The following HSF2BP variants were observed in gnomAD, a reference collection of about 807,000 sequenced individuals.
The protein encoded by HSF2BP is heat shock transcription factor 2 binding protein.
HSF2BP carries 35 observed loss-of-function variants against 35.0 expected under a neutral mutation model. That is an observed-to-expected ratio of 1.00 (90% CI 0.76 to 1.32). The LOEUF (loss-of-function observed/expected upper bound fraction) is 1.32, where lower values mean the gene tolerates loss of function less well. Among genes scored for constraint, HSF2BP ranks in the 40% most tolerant of loss-of-function variants. The pLI is 0.00. For missense variants in HSF2BP, 326 were observed against 321.7 expected, an observed-to-expected ratio of 1.01 and a Z score of -0.10; for synonymous variants, 114 against 117.4, an observed-to-expected ratio of 0.97 and a Z score of 0.18.
At chr21:43,608,335 G>A (rs984326053) in intron 7 of HSF2BP, among the ~76,000 whole-genome samples, 1 of 152,022 alleles carries the variant, frequency 6.6e-6, no homozygotes, top group Admixed American at 6.6e-5. Flanking sequence ...AGCAGCCAAC[G>A]AAACATGAAA....
Position 43,587,665 on chromosome 21 carries a change from CAA to C in HSF2BP, c.796+4558_796+4559del, listed in dbSNP as rs11292342. Among the ~76,000 whole-genome samples the C allele has an allele frequency of 5.2e-3, 410 of 79,064 alleles. 2 individuals carry two copies. Among genetic ancestry groups the C allele is most frequent in the Middle Eastern group, 0.022 (3 of 136 alleles). 51.9% of individuals were successfully genotyped at this position (79,064 alleles called of 152,430 possible). On this transcript the variant is annotated intron_variant, in intron 8 of 8. Coordinates refer to ENST00000291560, the MANE Select transcript of HSF2BP (RefSeq NM_007031.2). ...GGACAACAAAAGCGAAATTCTGTCT[CAA>C]AAAAAAAAAAAAAAAAAAAGGAAAG...
chr21:43,640,277 T>A (rs2082618660), intron 4 of HSF2BP, among the ~76,000 whole-genome samples: 1 of 152,212 alleles, frequency 6.6e-6, no homozygotes, highest in Non-Finnish European at 1.5e-5. Flanking sequence ...TGTCACTGCC[T>A]GGGTGACACA....
the HSF2BP span, among the ~76,000 whole-genome samples, chr21:43,506,026 C>T: frequency 1.6e-5 from 2 of 128,900 alleles, no homozygotes; most frequent in Non-Finnish European, 3.3e-5. Flanking sequence ...AGACTCCTCA[C>T]TGCTGCAGGT....
chr21:43,641,545 C>T (rs1177512555), intron 4 of HSF2BP, among the ~76,000 whole-genome samples: 1 of 152,202 alleles, frequency 6.6e-6, no homozygotes. Flanking sequence ...GCTGCTTGCT[C>T]ATACATCACA....
chr21:43,495,949 G>A, the HSF2BP span, among the ~76,000 whole-genome samples: 2 of 115,092 alleles, frequency 1.7e-5, no homozygotes, highest in Non-Finnish European at 3.8e-5. Context: ...CAGGAGTGGT[G>A]CTCTATAGCC....
At chr21:43,638,522 C>T (rs866799910) in intron 4 of HSF2BP, among the ~76,000 whole-genome samples, 1 of 152,098 alleles carries the variant, frequency 6.6e-6, no homozygotes, top group African/African-American at 2.4e-5. Flanking sequence ...ATACCATTTA[C>T]GGTTACTCCA....
At chr21:43,599,835 T>C (rs1461871987) in intron 7 of HSF2BP, among the ~76,000 whole-genome samples, 1 of 145,604 alleles carries the variant, frequency 6.9e-6, no homozygotes, top group Admixed American at 7.0e-5. Flanking sequence ...CTCAAACTAG[T>C]GTACTAAGTG....
chr21:43,616,503 C>T (rs751832379), intron 6 of HSF2BP, among the ~76,000 whole-genome samples: 18 of 152,224 alleles, frequency 1.2e-4, no homozygotes, highest in African/African-American at 3.6e-4. Context: ...ATTAGCCAGG[C>T]GTCGTGGCTT....
intron 3 of HSF2BP, among the ~76,000 whole-genome samples, chr21:43,652,384 C>T (rs2082799787): frequency 1.6e-5 from 2 of 124,266 alleles, no homozygotes; most frequent in African/African-American, 6.4e-5. Flanking sequence ...GCCTGGGAGA[C>T]AGAGCCAGAC....
chr21:43,641,003 C>G (rs559218602), intron 4 of HSF2BP, among the ~76,000 whole-genome samples: 1 of 152,256 alleles, frequency 6.6e-6, no homozygotes, highest in South Asian at 2.1e-4. Flanking sequence ...TCCTCAATAT[C>G]TTTCTGTAGT....
intron 5 of HSF2BP, among the ~76,000 whole-genome samples, chr21:43,632,088 ACACACACACGCTCTCCC>A (rs1372366207): frequency 1.3e-3 from 25 of 18,608 alleles, no homozygotes; most frequent in East Asian, 4.2e-3. Context: ...ACGCTCCCAC[ACACACACACGCTCTCCC>A]CACACACACG....
chr21:43,628,325 T>C (rs2082413657), intron 6 of HSF2BP, among the ~76,000 whole-genome samples: 1 of 152,204 alleles, frequency 6.6e-6, no homozygotes, highest in Non-Finnish European at 1.5e-5. Flanking sequence ...AGTGAACACA[T>C]GAATGATAAG....
In HSF2BP at chr21:43,658,057, T is replaced by C; in HGVS notation, c.36+4A>G. The C allele has an allele frequency of 1.3e-6, 2 of 1,535,886 alleles. No homozygotes were observed. The highest frequency in any genetic ancestry group is 1.7e-6 in the Non-Finnish European group (2 of 1,146,290). ...CTGGCGTCGGCCAGGGCTTCCTCACTAACCCGGCAGGCCTCCTCAGCGGCG... is the reference window on the plus strand; with the variant it reads ...CTGGCGTCGGCCAGGGCTTCCTCACCAACCCGGCAGGCCTCCTCAGCGGCG... On this transcript the variant is annotated splice_donor_region_variant and intron_variant, in intron 2 of 8. Coordinates refer to ENST00000291560, the MANE Select transcript of HSF2BP (RefSeq NM_007031.2).
intron 7 of HSF2BP, among the ~76,000 whole-genome samples, chr21:43,593,528 T>C (rs1332542879): frequency 6.6e-6 from 1 of 152,138 alleles, no homozygotes; most frequent in Non-Finnish European, 1.5e-5. Flanking sequence ...ATTTTTCAGA[T>C]ACTAGAAGTA....
chr21:43,621,372 C>G (rs534462030), intron 6 of HSF2BP, among the ~76,000 whole-genome samples: 30 of 152,176 alleles, frequency 2.0e-4, no homozygotes, highest in African/African-American at 7.2e-4. Flanking sequence ...ACTAAGAAAA[C>G]AGAAATTAGC....
At chr21:43,577,492 T>C (rs1436390032) in intron 8 of HSF2BP, among the ~76,000 whole-genome samples, 2 of 152,234 alleles carry the variant, frequency 1.3e-5, no homozygotes, top group Non-Finnish European at 2.9e-5. Flanking sequence ...AATTATGTTA[T>C]GGAAGGCCTG....
chr21:43,507,219 G>A, the HSF2BP span, among the ~76,000 whole-genome samples: 1 of 125,714 alleles, frequency 8.0e-6, no homozygotes, highest in Admixed American at 7.6e-5. Flanking sequence ...TTCCCCCTGA[G>A]AAAGAGACAG....
chr21:43,580,201 T>G (rs1449474521), intron 8 of HSF2BP, among the ~76,000 whole-genome samples: 1 of 151,424 alleles, frequency 6.6e-6, no homozygotes, highest in Non-Finnish European at 1.5e-5. Context: ...CTCCAACTAC[T>G]TCTTGGACAT....
At chr21:43,615,625 G>A (rs551384589) in intron 6 of HSF2BP, among the ~76,000 whole-genome samples, 1 of 152,112 alleles carries the variant, frequency 6.6e-6, no homozygotes, top group Non-Finnish European at 1.5e-5. Flanking sequence ...TCAAGTACAC[G>A]CTTTGATGAC....
Sources: gnomAD v4.1 joint callset for allele counts (sites outside exome capture counted in the v4.1 genomes callset) on GRCh38, gnomAD v4.1.1 for gene constraint, MANE v1.5 for transcripts, NCBI Gene and HGNC (gene_info 2026-07-23, HGNC 2026-07-21) for gene names.